Variants in XPR1 observed in about 807,000 individuals in gnomAD.
XPR1 encodes the protein solute carrier family 53 member 1.
XPR1 carries 28 observed loss-of-function variants against 87.5 expected under a neutral mutation model. That is an observed-to-expected ratio of 0.32 (90% CI 0.24 to 0.44). The LOEUF (loss-of-function observed/expected upper bound fraction) is 0.44. XPR1 is among the 20% of genes least tolerant of loss of function. The pLI, the probability that XPR1 is intolerant of heterozygous loss-of-function variation, is 1.00. For synonymous variants in XPR1, 300 were observed against 306.1 expected, an observed-to-expected ratio of 0.98 and a Z score of 0.21; for missense variants, 559 against 862.3, an observed-to-expected ratio of 0.65 and a Z score of 4.41.
chr1:180,778,707 C>T (rs1648819534), intron 2 of XPR1, among the ~76,000 whole-genome samples: 1 of 152,146 alleles, frequency 6.6e-6, no homozygotes, highest in African/African-American at 2.4e-5. Flanking sequence ...AGAGTGAGAA[C>T]TACTACCTTA....
At chr1:180,839,054 A>G (rs1348419856) in intron 11 of XPR1, among the ~76,000 whole-genome samples, 1 of 152,200 alleles carries the variant, frequency 6.6e-6, no homozygotes, top group African/African-American at 2.4e-5. Context: ...TTATATAAGT[A>G]AACTCAGAAA....
chr1:180,784,460 A>G (rs1649058315), intron 2 of XPR1, among the ~76,000 whole-genome samples: 1 of 152,000 alleles, frequency 6.6e-6, no homozygotes. Flanking sequence ...TATATTTTGC[A>G]TGTTAATCAT....
intron 2 of XPR1, among the ~76,000 whole-genome samples, chr1:180,780,714 G>A (rs147115431): frequency 0.021 from 3,144 of 148,780 alleles, 68 homozygotes; most frequent in African/African-American, 0.026. Context: ...CTTGCAGTGA[G>A]CAGAGATCGT....
At chr1:180,718,202 G>A (rs1175979130) in intron 2 of XPR1, among the ~76,000 whole-genome samples, 1 of 152,102 alleles carries the variant, frequency 6.6e-6, no homozygotes, top group African/African-American at 2.4e-5. Flanking sequence ...TTTTTAAAAG[G>A]TCACTGAACT....
At chr1:180,872,877 A>G (rs1023167850) in intron 12 of XPR1, among the ~76,000 whole-genome samples, 2 of 152,038 alleles carry the variant, frequency 1.3e-5, no homozygotes, top group African/African-American at 2.4e-5. Context: ...AGTTTAATAC[A>G]TGGAGGCTAA....
At chr1:180,686,407 C>G (rs2101950608) in intron 2 of XPR1, among the ~76,000 whole-genome samples, 1 of 152,192 alleles carries the variant, frequency 6.6e-6, no homozygotes, top group East Asian at 1.9e-4. Flanking sequence ...TTACTTCCAA[C>G]TATGTGGTCA....
At chr1:180,647,101 G>T (rs1655144391) in intron 1 of XPR1, among the ~76,000 whole-genome samples, 1 of 152,214 alleles carries the variant, frequency 6.6e-6, no homozygotes, top group Admixed American at 6.5e-5. Flanking sequence ...CTCATAAGGA[G>T]CAGCAACCTA....
chr1:180,841,671 A>G (rs1651520101), intron 11 of XPR1, among the ~76,000 whole-genome samples: 1 of 152,198 alleles, frequency 6.6e-6, no homozygotes, highest in African/African-American at 2.4e-5. Context: ...CTTTTTGCCC[A>G]AGTAACATAG....
chr1:180,789,181 A>G (rs1571839744), intron 3 of XPR1, among the ~76,000 whole-genome samples: 2 of 152,332 alleles, frequency 1.3e-5, no homozygotes, highest in Admixed American at 6.5e-5. Context: ...TCTAAGCATC[A>G]GTATTGTTCT....
intron 1 of XPR1, among the ~76,000 whole-genome samples, chr1:180,672,260 A>G (rs1424805859): frequency 1.3e-5 from 2 of 152,166 alleles, no homozygotes; most frequent in South Asian, 2.1e-4. Context: ...ACTTCTCCAT[A>G]TTGAATTGCC....
intron 1 of XPR1, among the ~76,000 whole-genome samples, chr1:180,670,443 C>G (rs1264949713): frequency 6.6e-6 from 1 of 152,132 alleles, no homozygotes; most frequent in Admixed American, 6.5e-5. Flanking sequence ...TTAAAACACT[C>G]TAATTTGAAT....
chr1:180,832,073 T>C (rs556017503), intron 9 of XPR1, among the ~76,000 whole-genome samples: 1 of 152,362 alleles, frequency 6.6e-6, no homozygotes, highest in South Asian at 2.1e-4. Flanking sequence ...TTCCTGAGTT[T>C]TTAATGATTG....
At chr1:180,669,550 A>G (rs1372769323) in intron 1 of XPR1, among the ~76,000 whole-genome samples, 1 of 151,840 alleles carries the variant, frequency 6.6e-6, no homozygotes, top group Admixed American at 6.6e-5. Context: ...TTTAGTAGAG[A>G]CGGGTTTCAC....
chr1:180,734,595 C>T (rs1247678004), intron 2 of XPR1, among the ~76,000 whole-genome samples: 1 of 152,116 alleles, frequency 6.6e-6, no homozygotes, highest in Non-Finnish European at 1.5e-5. Context: ...TCTCAAGTTT[C>T]AAGACTGGGA....
At chr1:180,757,130 T>C (rs891936299) in intron 2 of XPR1, among the ~76,000 whole-genome samples, 1 of 152,204 alleles carries the variant, frequency 6.6e-6, no homozygotes, top group African/African-American at 2.4e-5. Flanking sequence ...ATTTTGGCTC[T>C]TTTGGGTTCC....
At chr1:180,823,800 A>G (rs942439594) in intron 7 of XPR1, among the ~76,000 whole-genome samples, 10 of 152,136 alleles carry the variant, frequency 6.6e-5, no homozygotes, top group African/African-American at 2.2e-4. Flanking sequence ...GCAAATGACA[A>G]CCTCTCTGTG....
chr1:180,835,210 T>C (rs979622236), intron 10 of XPR1, among the ~76,000 whole-genome samples, 165 bp downstream of exon 10: 1 of 152,244 alleles, frequency 6.6e-6, no homozygotes, highest in Admixed American at 6.5e-5. Context: ...TTATCTGATA[T>C]AATTTGGCTT....
intron 2 of XPR1, among the ~76,000 whole-genome samples, chr1:180,749,308 T>G (rs137855770): frequency 1.9e-4 from 29 of 152,380 alleles, no homozygotes; most frequent in African/African-American, 6.7e-4. Context: ...CACAAAACAT[T>G]GAGGACATGT....
At chr1:180,742,178 A>G (rs12089155) in intron 2 of XPR1, among the ~76,000 whole-genome samples, 1 of 151,326 alleles carries the variant, frequency 6.6e-6, no homozygotes, top group African/African-American at 2.4e-5. Flanking sequence ...ATTATTTCTA[A>G]TATTTGCTTT....
Sources: gnomAD v4.1 joint callset for allele counts (sites outside exome capture counted in the v4.1 genomes callset) on GRCh38, gnomAD v4.1.1 for gene constraint, MANE v1.5 for transcripts, NCBI Gene and HGNC (gene_info 2026-07-23, HGNC 2026-07-21) for gene names.